ANKH: variants seen among roughly 807,000 people sequenced by gnomAD.
ANKH encodes the protein mineralization regulator ANKH.
Under a neutral mutation model 49.0 loss-of-function variants are expected in ANKH, and 15 were observed. The observed-to-expected ratio is 0.31, with a 90% CI of 0.20 to 0.47. The LOEUF is 0.47. ANKH is among the 20% of genes least tolerant of loss of function. The pLI, the probability that ANKH is intolerant of heterozygous loss-of-function variation, is 1.00. For missense variants in ANKH, 429 were observed against 652.0 expected (o/e 0.66, Z 3.72); for synonymous variants, 273 against 260.0 (o/e 1.05, Z -0.48).
chr5:14,857,258 T>C (rs1246421783), intron 1 of ANKH, among the ~76,000 whole-genome samples: 1 of 152,202 alleles, frequency 6.6e-6, no homozygotes, highest in Non-Finnish European at 1.5e-5. Flanking sequence ...ATACAGCCCC[T>C]GCCCTCCCCA....
intron 1 of ANKH, among the ~76,000 whole-genome samples, chr5:14,854,047 C>G (rs1742190962): frequency 6.6e-6 from 1 of 152,160 alleles, no homozygotes; most frequent in African/African-American, 2.4e-5. Flanking sequence ...ATTCCAGTGC[C>G]AAATATTCAT....
At chr5:14,830,444 G>A (rs778491061) in intron 1 of ANKH, among the ~76,000 whole-genome samples, 4 of 152,132 alleles carry the variant, frequency 2.6e-5, no homozygotes, top group Non-Finnish European at 5.9e-5. Flanking sequence ...GCTGCAGTGG[G>A]GGAAGGAAGT....
intron 1 of ANKH, among the ~76,000 whole-genome samples, chr5:14,802,597 A>G (rs941134961): frequency 6.6e-6 from 1 of 151,676 alleles, no homozygotes; most frequent in African/African-American, 2.4e-5. Flanking sequence ...TTTTTCTTCT[A>G]AGGCCCTCCA....
intron 1 of ANKH, among the ~76,000 whole-genome samples, chr5:14,834,233 A>G (rs1362656097): frequency 1.1e-5 from 1 of 89,682 alleles, no homozygotes; most frequent in Non-Finnish European, 2.1e-5. Context: ...CTTTGACCTC[A>G]GTTTCCCATC....
chr5:14,741,175 T>C (rs1007274912), intron 8 of ANKH: 1 of 152,426 alleles, frequency 6.6e-6, no homozygotes, highest in Non-Finnish European at 1.5e-5. Context: ...GTACCTATTT[T>C]ATCCATGTTT....
rs1736951690 is a variant in ANKH at position 14,706,545 on chromosome 5, A to G, written c.*4652T>C. On this transcript the variant is annotated 3_prime_UTR_variant, in exon 12 of 12. Coordinates refer to ENST00000284268, the MANE Select transcript of ANKH (RefSeq NM_054027.6). The stretch of plus-strand genomic sequence containing the variant: ...CATCTCGTTTTTCCCTTTTGAGATC[A>G]GATAGTATACTATATATTTGTGACT... 6.6e-6 allele frequency: 1 copy of G among 152,216 alleles called. No individual in the cohort carries two copies. Among genetic ancestry groups the G allele is most frequent in the South Asian group, 2.1e-4 (1 of 4,834 alleles). 9.4% of individuals were successfully genotyped at this position (152,216 alleles called of 1,614,324 possible). A position where few individuals can be genotyped will look rare whatever the true frequency, so the allele number is the denominator to read the frequency against.
chr5:14,747,035 G>A (rs1174237766), intron 6 of ANKH, among the ~76,000 whole-genome samples: 1 of 152,028 alleles, frequency 6.6e-6, no homozygotes, highest in Non-Finnish European at 1.5e-5. Flanking sequence ...ATGCAACTGC[G>A]AGCCCTCCCT....
intron 1 of ANKH, among the ~76,000 whole-genome samples, chr5:14,849,617 A>T (rs1437463547): frequency 4.6e-5 from 7 of 152,156 alleles, no homozygotes; most frequent in Admixed American, 1.3e-4. Context: ...GCCACAGCCC[A>T]CTCTGATGAT....
chr5:14,754,229 G>A (rs1382903676), intron 4 of ANKH, among the ~76,000 whole-genome samples: 1 of 152,160 alleles, frequency 6.6e-6, no homozygotes, highest in African/African-American at 2.4e-5. Flanking sequence ...TTAAAATAGA[G>A]AAGGAAAATG....
chr5:14,826,952 G>C (rs908930257), intron 1 of ANKH, among the ~76,000 whole-genome samples: 4 of 152,184 alleles, frequency 2.6e-5, no homozygotes, highest in African/African-American at 9.7e-5. Context: ...ACTTTTGAGA[G>C]TGTGAGAATG....
At chr5:14,867,522 T>TCTAC (rs1169901929) in intron 1 of ANKH, among the ~76,000 whole-genome samples, 2 of 152,222 alleles carry the variant, frequency 1.3e-5, no homozygotes, top group African/African-American at 4.8e-5. Context: ...TATAAACGTT[T>TCTAC]CTTCAGTTTC....
At chr5:14,720,451 C>T (rs1025351236) in intron 8 of ANKH, among the ~76,000 whole-genome samples, 1 of 152,188 alleles carries the variant, frequency 6.6e-6, no homozygotes, top group Admixed American at 6.5e-5. Context: ...ATGGTGGCAA[C>T]TTCACATTAC....
intron 4 of ANKH, among the ~76,000 whole-genome samples, chr5:14,754,270 G>A (rs1738808629): frequency 6.6e-6 from 1 of 152,020 alleles, no homozygotes; most frequent in African/African-American, 2.4e-5. Flanking sequence ...GTCTTTTTCA[G>A]AGATAGGCTT....
intron 8 of ANKH, among the ~76,000 whole-genome samples, chr5:14,721,896 C>A (rs541022945): frequency 1.5e-5 from 2 of 137,426 alleles, no homozygotes; most frequent in South Asian, 2.3e-4. Flanking sequence ...TGCCACTGCA[C>A]TCCAGCCTGG....
chr5:14,785,087 G>C (rs1212498843), intron 1 of ANKH, among the ~76,000 whole-genome samples: 1 of 152,196 alleles, frequency 6.6e-6, no homozygotes, highest in Non-Finnish European at 1.5e-5. Flanking sequence ...AGAGCAGACA[G>C]TGAAGCTCTC....
At chr5:14,801,198 G>T (rs1253375857) in intron 1 of ANKH, among the ~76,000 whole-genome samples, 30 of 152,138 alleles carry the variant, frequency 2.0e-4, no homozygotes, top group Non-Finnish European at 1.5e-5. Flanking sequence ...GGATCAAAAG[G>T]TTTCTTACCT....
chr5:14,807,029 C>T (rs1250885085), intron 1 of ANKH, among the ~76,000 whole-genome samples: 2 of 152,008 alleles, frequency 1.3e-5, no homozygotes, highest in Admixed American at 6.6e-5. Flanking sequence ...TTCTTCCTGA[C>T]CAAGCATTAA....
At chr5:14,750,336 A>G (rs1738670578) in intron 5 of ANKH, among the ~76,000 whole-genome samples, 1 of 152,192 alleles carries the variant, frequency 6.6e-6, no homozygotes, top group African/African-American at 2.4e-5. Flanking sequence ...TCATCTCTAT[A>G]AGGTTCTCTA....
chr5:14,864,211 C>G (rs993592425), intron 1 of ANKH, among the ~76,000 whole-genome samples: 6 of 152,046 alleles, frequency 3.9e-5, no homozygotes, highest in Non-Finnish European at 5.9e-5. Context: ...AGACTTGTCT[C>G]AAAACAAAAC....
Sources: gnomAD v4.1 joint callset for allele counts (sites outside exome capture counted in the v4.1 genomes callset) on GRCh38, gnomAD v4.1.1 for gene constraint, MANE v1.5 for transcripts, NCBI Gene and HGNC (gene_info 2026-07-23, HGNC 2026-07-21) for gene names.